BICD1: variants seen among roughly 807,000 people sequenced by gnomAD.
BICD1 encodes protein bicaudal D homolog 1.
BICD1 carries 35 observed loss-of-function variants against 92.5 expected under a neutral mutation model. That is an observed-to-expected ratio of 0.38 (90% CI 0.29 to 0.50). The LOEUF (loss-of-function observed/expected upper bound fraction) is 0.50. Ranked by LOEUF, BICD1 falls within the 20% of genes least tolerant of loss-of-function variation. The probability of loss-of-function intolerance (pLI) is 0.93; values close to 1 mark genes in which losing one functional copy is unlikely to be tolerated. For synonymous variants in BICD1, 429 were observed against 465.1 expected (o/e 0.92, Z 1.00); for missense variants, 950 against 1,189.8 (o/e 0.80, Z 2.97).
At chr12:32,169,580 G>A (rs1356285730) in intron 1 of BICD1, among the ~76,000 whole-genome samples, 3 of 150,848 alleles carry the variant, frequency 2.0e-5, no homozygotes, top group Non-Finnish European at 4.4e-5. Context: ...TGCCCAGCCT[G>A]GACCCATTTT....
chr12:32,124,412 A>G (rs529828166), intron 1 of BICD1, among the ~76,000 whole-genome samples: 5 of 152,298 alleles, frequency 3.3e-5, no homozygotes, highest in African/African-American at 9.6e-5. Flanking sequence ...TTAGGCCAAT[A>G]TTTGAAATGA....
intron 2 of BICD1, among the ~76,000 whole-genome samples, chr12:32,257,752 A>T (rs1267315415): frequency 6.6e-6 from 1 of 152,224 alleles, no homozygotes; most frequent in Non-Finnish European, 1.5e-5. Flanking sequence ...ATCCACAGTA[A>T]ATAGAATGAA....
intron 2 of BICD1, among the ~76,000 whole-genome samples, chr12:32,247,930 CA>C (rs146940357): frequency 0.047 from 7,132 of 152,022 alleles, 227 homozygotes; most frequent in Middle Eastern, 0.11. Flanking sequence ...ACTAAAAATA[CA>C]AAAATTAGCC....
At chr12:32,243,874 T>G (rs1946301730) in intron 2 of BICD1, among the ~76,000 whole-genome samples, 1 of 152,210 alleles carries the variant, frequency 6.6e-6, no homozygotes, top group Non-Finnish European at 1.5e-5. Context: ...AGATTTAGTT[T>G]GATGTGTGGA....
chr12:32,274,353 C>T (rs1190516660), intron 2 of BICD1, among the ~76,000 whole-genome samples: 1 of 152,090 alleles, frequency 6.6e-6, no homozygotes, highest in East Asian at 1.9e-4. Flanking sequence ...TCATGGAATA[C>T]AGAACAGGAA....
chr12:32,298,607 A>C lies in BICD1; in HGVS notation c.579+4461A>C, dbSNP rs530645786. The stretch of plus-strand genomic sequence containing the variant: ...AAAAAGAGGCTGGGCATGGTGGCTC[A>C]TGCCTGTAATCCCAGCACTTGGGGA... On this transcript the variant is annotated intron_variant, in intron 3 of 9. Coordinates refer to ENST00000652176, the MANE Select transcript of BICD1 (RefSeq NM_001714.4). Among the ~76,000 whole-genome samples, 9 of 145,554 alleles carry C rather than the reference A, an allele frequency of 6.2e-5. No individual in the cohort carries two copies. The South Asian group carries it at 1.7e-3, about 28-fold the overall frequency.
intron 1 of BICD1, among the ~76,000 whole-genome samples, chr12:32,175,381 A>G (rs1325046889): frequency 6.6e-6 from 1 of 152,108 alleles, no homozygotes; most frequent in East Asian, 1.9e-4. Flanking sequence ...CAGTGTCATG[A>G]TCTAGGCTCA....
At chr12:32,149,333 T>A (rs1182857144) in intron 1 of BICD1, among the ~76,000 whole-genome samples, 1 of 152,248 alleles carries the variant, frequency 6.6e-6, no homozygotes, top group Non-Finnish European at 1.5e-5. Flanking sequence ...TGTTCTTGCA[T>A]CATTGGTACA....
In BICD1 at chr12:32,216,373, A is replaced by G; in HGVS notation, c.340A>G (p.Asn114Asp). 6.2e-7 allele frequency: 1 copy of G among 1,614,182 alleles called. No homozygotes were observed. The highest frequency in any genetic ancestry group is 8.5e-7 in the Non-Finnish European group (1 of 1,180,032). Residue 114 changes from asparagine to aspartate, a missense_variant, in exon 2 of 10, where the codon AAC becomes GAC. Transcript: ENST00000652176. ...TCTGGGGAAGATCTTGGAGATGCAG[A>G]ACGAGCTGAAACAGAGCCGGGCTGT... ...YYLGKILEMQ[N>D]ELKQSRAVVT...
intron 2 of BICD1, among the ~76,000 whole-genome samples, chr12:32,244,272 C>T (rs189448048): frequency 2.6e-5 from 4 of 152,224 alleles, no homozygotes; most frequent in South Asian, 2.1e-4. Flanking sequence ...CTCAGTATGA[C>T]GGAGCTTTTC....
chr12:32,129,970 G>A (rs1942481499), intron 1 of BICD1, among the ~76,000 whole-genome samples: 1 of 152,184 alleles, frequency 6.6e-6, no homozygotes, highest in South Asian at 2.1e-4. Flanking sequence ...ATAGTGCGAT[G>A]TGGATGACTT....
chr12:32,364,262 A>G (rs1939444605), intron 8 of BICD1, among the ~76,000 whole-genome samples: 1 of 152,222 alleles, frequency 6.6e-6, no homozygotes, highest in African/African-American at 2.4e-5. Flanking sequence ...TCATGCACAT[A>G]GTTGTCATCT....
At chr12:32,236,714 A>G (rs960669064) in intron 2 of BICD1, among the ~76,000 whole-genome samples, 2 of 152,322 alleles carry the variant, frequency 1.3e-5, no homozygotes, top group Non-Finnish European at 2.9e-5. Flanking sequence ...CTGTGAATGC[A>G]AAGGAAAAGT....
chr12:32,342,200 G>A (rs1203951513), intron 8 of BICD1, among the ~76,000 whole-genome samples: 3 of 97,782 alleles, frequency 3.1e-5, no homozygotes, highest in African/African-American at 1.4e-4. Context: ...ATATGTGTGT[G>A]TGTGTATATA....
intron 8 of BICD1, among the ~76,000 whole-genome samples, chr12:32,356,981 A>C (rs1939137590): frequency 6.6e-6 from 1 of 150,470 alleles, no homozygotes; most frequent in African/African-American, 2.4e-5. Flanking sequence ...GCTAAGAAGG[A>C]ATCTGCTAAA....
intron 1 of BICD1, among the ~76,000 whole-genome samples, chr12:32,169,194 G>A (rs1429358561): frequency 2.0e-5 from 3 of 152,042 alleles, no homozygotes; most frequent in African/African-American, 4.8e-5. Context: ...TAATTATCTC[G>A]TAAAAAGATC....
rs112887295 is a variant in BICD1 at position 32,188,701 on chromosome 12, C to T, written c.214-27546C>T. On this transcript the variant is annotated intron_variant, in intron 1 of 9. Coordinates refer to ENST00000652176, the MANE Select transcript of BICD1 (RefSeq NM_001714.4). Reference sequence around the variant, plus strand: ...ACCATCAAATAAAAGTAATTCTTAACTTAGTGTTTTTGGCACTGAATCTTG... The same window carrying T: ...ACCATCAAATAAAAGTAATTCTTAATTTAGTGTTTTTGGCACTGAATCTTG... Among the ~76,000 whole-genome samples, 247 of 151,558 alleles carry T rather than the reference C, an allele frequency of 1.6e-3. 2 individuals are homozygous for T. Among genetic ancestry groups the T allele is most frequent in the Admixed American group, 3.1e-3 (47 of 15,232 alleles).
At chr12:32,220,795 G>A (rs923048509) in intron 2 of BICD1, among the ~76,000 whole-genome samples, 7 of 133,000 alleles carry the variant, frequency 5.3e-5, no homozygotes, top group South Asian at 2.8e-4. Context: ...ACATGCACAC[G>A]TATGTTTATT....
intron 2 of BICD1, among the ~76,000 whole-genome samples, chr12:32,278,204 A>G (rs193275926): frequency 1.2e-4 from 18 of 152,356 alleles, no homozygotes; most frequent in African/African-American, 4.1e-4. Context: ...GTGTATTACC[A>G]ATATTTCCTT....
Sources: gnomAD v4.1 joint callset for allele counts (sites outside exome capture counted in the v4.1 genomes callset) on GRCh38, gnomAD v4.1.1 for gene constraint, MANE v1.5 for transcripts, NCBI Gene and HGNC (gene_info 2026-07-23, HGNC 2026-07-21) for gene names.